Variants in MTMR7 observed in about 807,000 individuals in gnomAD.
The protein encoded by MTMR7 is myotubularin related protein 7, also known as phosphatidylinositol-3-phosphate phosphatase MTMR7.
MTMR7 carries 76 observed loss-of-function variants against 81.2 expected under a neutral mutation model. That is an observed-to-expected ratio of 0.94 (90% CI 0.78 to 1.13). The LOEUF is 1.13. MTMR7 is among the 50% of genes most tolerant of loss of function. The pLI, the probability that MTMR7 is intolerant of heterozygous loss-of-function variation, is 0.00. For missense variants in MTMR7, 1,044 were observed against 820.0 expected (o/e 1.27, Z -3.34); for synonymous variants, 372 against 289.8 (o/e 1.28, Z -2.88).
intron 8 of MTMR7, among the ~76,000 whole-genome samples, chr8:17,312,824 A>C (rs1817867837): frequency 6.6e-6 from 1 of 152,162 alleles, no homozygotes; most frequent in South Asian, 2.1e-4. Flanking sequence ...AAACTGAACA[A>C]CACAAAAGAC....
chr8:17,323,565 G>A (rs1434815949), intron 7 of MTMR7, among the ~76,000 whole-genome samples: 1 of 152,052 alleles, frequency 6.6e-6, no homozygotes, highest in Non-Finnish European at 1.5e-5. Flanking sequence ...CTAGAGAGGA[G>A]GCCAGGAATC....
At chr8:17,321,975 T>G (rs1818411892) in intron 7 of MTMR7, among the ~76,000 whole-genome samples, 2 of 152,222 alleles carry the variant, frequency 1.3e-5, no homozygotes, top group African/African-American at 4.8e-5. Flanking sequence ...TATACCACTC[T>G]TATTTTCTCC....
intron 4 of MTMR7, among the ~76,000 whole-genome samples, chr8:17,356,396 C>T (rs769211853): frequency 1.5e-4 from 23 of 152,078 alleles, no homozygotes; most frequent in Middle Eastern, 3.4e-3. Flanking sequence ...TTATGAAAAA[C>T]GCTTCAAAAA....
chr8:17,362,006 T>C (rs890294918), intron 3 of MTMR7, among the ~76,000 whole-genome samples: 2 of 152,214 alleles, frequency 1.3e-5, no homozygotes, highest in African/African-American at 4.8e-5. Flanking sequence ...AGCCCCACTG[T>C]TTCCCTCTCT....
rs36217265 is a variant in MTMR7, at chr8:17,364,021, ATT to A, written c.311-2749_311-2748del. Reference sequence around the variant, plus strand: ...TTCTGGGGTAAAAAGTGTTGCTATTATTTTTTTTTTTTTTTTTTTTTTTTTTC... The same window carrying A: ...TTCTGGGGTAAAAAGTGTTGCTATTATTTTTTTTTTTTTTTTTTTTTTTTC... On this transcript the variant is annotated intron_variant, in intron 3 of 13. Coordinates refer to ENST00000180173, the MANE Select transcript of MTMR7 (RefSeq NM_004686.5). 4.6e-3 allele frequency among the ~76,000 whole-genome samples: 324 copies of A among 71,036 alleles called. 36 individuals carry two copies. The highest frequency in any genetic ancestry group is 0.022 in the East Asian group (70 of 3,116). The allele number at this position is 71,036 out of a possible 152,430, so 46.6% of individuals were successfully genotyped here.
chr8:17,394,716 C>T (rs1233550988), intron 1 of MTMR7, among the ~76,000 whole-genome samples: 5 of 151,946 alleles, frequency 3.3e-5, no homozygotes, highest in Non-Finnish European at 7.4e-5. Context: ...TTTAATTATG[C>T]CAAAATCAAA....
chr8:17,322,432 C>T (rs908626114), intron 7 of MTMR7, among the ~76,000 whole-genome samples: 7 of 152,162 alleles, frequency 4.6e-5, no homozygotes, highest in Admixed American at 1.3e-4. Flanking sequence ...GACAAATTCA[C>T]AGTGTATCAT....
chr8:17,348,456 A>T (rs1370858795), intron 5 of MTMR7, among the ~76,000 whole-genome samples: 1 of 150,734 alleles, frequency 6.6e-6, no homozygotes, highest in Non-Finnish European at 1.5e-5. Context: ...AGGCTGAGGC[A>T]GGAGAATTGC....
rs368290389 is a variant in MTMR7 at position 17,341,502 on chromosome 8, G to T, written c.598-5C>A. 119 of 1,613,264 alleles carry T rather than the reference G, an allele frequency of 7.4e-5. No homozygotes were observed. In the African/African-American group the frequency reaches 1.3e-3, roughly 18 times the overall value. ...GCTGCTCCGGCAGATGGAGGCCTAGGGGGAGAGGTCACAGCAACACAGCAC... is the reference window on the plus strand; with the variant it reads ...GCTGCTCCGGCAGATGGAGGCCTAGTGGGAGAGGTCACAGCAACACAGCAC... On this transcript the variant is annotated splice_polypyrimidine_tract_variant and splice_region_variant and intron_variant, in intron 5 of 13. Coordinates refer to ENST00000180173, the MANE Select transcript of MTMR7 (RefSeq NM_004686.5).
chr8:17,329,793 C>T (rs925126831), intron 7 of MTMR7, among the ~76,000 whole-genome samples: 1 of 152,178 alleles, frequency 6.6e-6, no homozygotes, highest in Non-Finnish European at 1.5e-5. Flanking sequence ...GCATGATAAT[C>T]TCCAAAAGTT....
chr8:17,347,520 G>A (rs997611555), intron 5 of MTMR7, among the ~76,000 whole-genome samples: 3 of 152,242 alleles, frequency 2.0e-5, no homozygotes, highest in Admixed American at 6.5e-5. Context: ...GCAGGCATGT[G>A]GATACACACT....
At chr8:17,345,095 G>C (rs913937013) in intron 5 of MTMR7, among the ~76,000 whole-genome samples, 6 of 152,202 alleles carry the variant, frequency 3.9e-5, no homozygotes, top group Non-Finnish European at 8.8e-5. Context: ...GCTGTTAATA[G>C]CTGGATATTC....
intron 4 of MTMR7, among the ~76,000 whole-genome samples, chr8:17,351,321 C>T (rs894111971): frequency 1.3e-5 from 2 of 152,178 alleles, no homozygotes; most frequent in Admixed American, 6.5e-5. Context: ...TCCTGCTAGG[C>T]CCTTTTATGG....
chr8:17,363,580 C>T (rs1013458386), intron 3 of MTMR7, among the ~76,000 whole-genome samples: 1 of 152,114 alleles, frequency 6.6e-6, no homozygotes, highest in African/African-American at 2.4e-5. Flanking sequence ...GATGGGTTGA[C>T]ACTGAAATTA....
At position 17,319,413 on chromosome 8, in the gene MTMR7, A is replaced by G. The variant is rs145701996; in HGVS notation, c.866-6012T>C. Reference sequence around the variant, plus strand: ...CTGGGAGGAAGGAGCTGTTAGACTCACTCAAACATGTCAACGCTGAAGCTC... The same window carrying G: ...CTGGGAGGAAGGAGCTGTTAGACTCGCTCAAACATGTCAACGCTGAAGCTC... On this transcript the variant is annotated intron_variant, in intron 7 of 13. Coordinates refer to ENST00000180173, the MANE Select transcript of MTMR7 (RefSeq NM_004686.5). 3.4e-3 allele frequency among the ~76,000 whole-genome samples: 518 copies of G among 152,282 alleles called. 2 individuals are homozygous for G. The highest frequency in any genetic ancestry group is 4.3e-3 in the Non-Finnish European group (292 of 68,024).
At chr8:17,316,346 A>C (rs1480341052) in intron 7 of MTMR7, among the ~76,000 whole-genome samples, 1 of 151,874 alleles carries the variant, frequency 6.6e-6, no homozygotes, top group Non-Finnish European at 1.5e-5. Flanking sequence ...ATATTATGTA[A>C]ATAAATTTCA....
chr8:17,323,657 G>T (rs948337580), intron 7 of MTMR7, among the ~76,000 whole-genome samples: 13 of 152,004 alleles, frequency 8.6e-5, no homozygotes, highest in African/African-American at 3.1e-4. Context: ...GGGGTGGGGG[G>T]TCATTCCACA....
At chr8:17,319,047 G>A (rs1437233287) in intron 7 of MTMR7, among the ~76,000 whole-genome samples, 1 of 152,182 alleles carries the variant, frequency 6.6e-6, no homozygotes, top group Non-Finnish European at 1.5e-5. Context: ...AAATAGGAGG[G>A]CCTCCTTGTT....
chr8:17,332,552 C>A (rs368248877), intron 6 of MTMR7, among the ~76,000 whole-genome samples: 1 of 152,236 alleles, frequency 6.6e-6, no homozygotes, highest in African/African-American at 2.4e-5. Flanking sequence ...TCATGATGAG[C>A]CCATTGGAAG....
Sources: gnomAD v4.1 joint callset for allele counts (sites outside exome capture counted in the v4.1 genomes callset) on GRCh38, gnomAD v4.1.1 for gene constraint, MANE v1.5 for transcripts, NCBI Gene and HGNC (gene_info 2026-07-23, HGNC 2026-07-21) for gene names.